AHRR: variants seen among roughly 807,000 people sequenced by gnomAD.
AHRR encodes aryl hydrocarbon receptor repressor, also known as ahR repressor.
AHRR carries 28 observed loss-of-function variants against 44.0 expected under a neutral mutation model. That is an observed-to-expected ratio of 0.64 (90% CI 0.47 to 0.87). The LOEUF is 0.87. Ranked by LOEUF, AHRR falls within the 40% of genes least tolerant of loss-of-function variation. The probability of loss-of-function intolerance (pLI) is 0.00; values close to 1 mark genes in which losing one functional copy is unlikely to be tolerated. For synonymous variants in AHRR, 434 were observed against 407.0 expected (o/e 1.07, Z -0.80); for missense variants, 990 against 953.9 (o/e 1.04, Z -0.50).
chr5:327,063 A>G (rs1410373012), intron 1 of AHRR, among the ~76,000 whole-genome samples: 2 of 152,234 alleles, frequency 1.3e-5, no homozygotes, highest in African/African-American at 4.8e-5. Flanking sequence ...TGTCTCAACA[A>G]CAACGGCAAC....
Position 434,690 on chromosome 5 carries a change from G to A in AHRR, c.1950G>A (p.Glu650=). ...GEQSCTCRAA[E]AAPVVKREPL... is the part of the protein sequence containing the mutation. ...AGTCCTGCACCTGCAGAGCTGCTGA[G>A]GCCGCCCCTGTGGTCAAGCGGGAGC... The change falls in exon 11 of 11, where the codon GAG becomes GAA. Residue 650 remains glutamate (E), a synonymous_variant. Transcript: ENST00000684583. The A allele has an allele frequency of 6.4e-7, 1 of 1,571,858 alleles. No individual in the cohort carries two copies. Among genetic ancestry groups the A allele is most frequent in the South Asian group, 1.2e-5 (1 of 85,748 alleles).
chr5:423,011 C>G (rs560310345), intron 6 of AHRR, among the ~76,000 whole-genome samples, 153 bp downstream of exon 6: 127 of 152,294 alleles, frequency 8.3e-4, no homozygotes, highest in African/African-American at 2.9e-3. Context: ...CAGAGGCCTC[C>G]TCCCATGTCC....
intron 4 of AHRR, among the ~76,000 whole-genome samples, chr5:390,639 C>T (rs1040154714): frequency 9.2e-5 from 14 of 152,068 alleles, no homozygotes; most frequent in Admixed American, 2.0e-4. Flanking sequence ...CCAGGAAGAT[C>T]GGAGGGCAGG....
intron 3 of AHRR, among the ~76,000 whole-genome samples, chr5:366,797 C>T (rs147369966): frequency 1.3e-3 from 196 of 152,284 alleles, no homozygotes; most frequent in African/African-American, 4.5e-3. Flanking sequence ...TGCATAACTT[C>T]GGTCTAATCA....
chr5:412,661 C>G (rs1271092977), intron 4 of AHRR, among the ~76,000 whole-genome samples: 1 of 150,398 alleles, frequency 6.6e-6, no homozygotes, highest in African/African-American at 2.4e-5. Context: ...AACTGTGATT[C>G]TTTCAGCAGA....
intron 8 of AHRR, among the ~76,000 whole-genome samples, chr5:429,566 G>A (rs368342940): frequency 3.3e-5 from 5 of 152,328 alleles, no homozygotes; most frequent in East Asian, 3.9e-4. Flanking sequence ...AGACCCACCC[G>A]ACTTGTCCTC....
chr5:382,676 G>C (rs1046737177), intron 4 of AHRR, among the ~76,000 whole-genome samples: 2 of 151,804 alleles, frequency 1.3e-5, no homozygotes, highest in East Asian at 3.9e-4. Flanking sequence ...GCTTGGTTTG[G>C]ATTTAATTTC....
At chr5:345,232 G>A (rs1474165800) in intron 2 of AHRR, among the ~76,000 whole-genome samples, 1 of 127,326 alleles carries the variant, frequency 7.9e-6, no homozygotes, top group Non-Finnish European at 1.6e-5. Context: ...TGATGTCCCT[G>A]GCTGTGTGTG....
At chr5:368,012 T>C (rs1403823722) in intron 3 of AHRR, 1 of 687,006 alleles carries the variant, frequency 1.5e-6, no homozygotes, top group African/African-American at 1.8e-5. Flanking sequence ...AAGGCAATGG[T>C]GATTCACAGG....
intron 1 of AHRR, among the ~76,000 whole-genome samples, chr5:333,549 T>C (rs1560878768): frequency 1.3e-5 from 2 of 152,040 alleles, no homozygotes; most frequent in African/African-American, 4.8e-5. Context: ...TGAACTGAGA[T>C]TGCACCACTG....
chr5:353,667 C>T (rs1742939024), intron 2 of AHRR, 63 bp from the exon 3 acceptor site: 6 of 1,510,288 alleles, frequency 4.0e-6, no homozygotes, highest in East Asian at 2.3e-5. Context: ...GGACGGTTTC[C>T]GCCCCAGGGG....
intron 6 of AHRR, among the ~76,000 whole-genome samples, chr5:423,333 A>C (rs10475251): frequency 0.073 from 11,128 of 152,242 alleles, 489 homozygotes; most frequent in Admixed American, 0.12. Context: ...TGTGGCGCTG[A>C]CTGATGAGAT....
At chr5:428,472 C>T (rs1241461015) in intron 8 of AHRR, among the ~76,000 whole-genome samples, 2 of 152,218 alleles carry the variant, frequency 1.3e-5, no homozygotes, top group African/African-American at 2.4e-5. Flanking sequence ...AGCTGGTCCT[C>T]GTCCCTGGCC....
Position 326,626 on chromosome 5 carries a change from G to C in AHRR, c.-11+4807G>C, listed in dbSNP as rs1741722422. 6.6e-6 allele frequency among the ~76,000 whole-genome samples: 1 copy of C among 152,148 alleles called. No individual in the cohort carries two copies. The highest frequency in any genetic ancestry group is 2.4e-5 in the African/African-American group (1 of 41,414). On this transcript the variant is annotated intron_variant, in intron 1 of 10. Transcript: ENST00000684583. This position sits in a 1 kb window ranked among gnomAD's most constrained non-coding sequence, Gnocchi z 4.1. ...AGGAGTGGAGTTACTGGATCATATA[G>C]TGATTCTGTGTTTAACTTTTTGAGG... is the stretch of plus-strand genomic sequence containing the variant.
intron 4 of AHRR, among the ~76,000 whole-genome samples, chr5:396,335 T>C (rs1193989453): frequency 2.0e-5 from 3 of 152,220 alleles, no homozygotes; most frequent in Middle Eastern, 6.8e-3. Context: ...TCCCTGACTT[T>C]AGAGGTGATG....
chr5:384,418 C>T (rs886541186), intron 4 of AHRR, among the ~76,000 whole-genome samples: 1 of 152,130 alleles, frequency 6.6e-6, no homozygotes, highest in Admixed American at 6.5e-5. Context: ...TACATTAAAC[C>T]CTCCAGACAA....
chr5:392,903 C>T (rs559642611), intron 4 of AHRR, among the ~76,000 whole-genome samples: 1 of 152,222 alleles, frequency 6.6e-6, no homozygotes, highest in East Asian at 1.9e-4. Flanking sequence ...GTTTCCTTCT[C>T]GGTGTAGGTG....
chr5:349,923 A>T (rs2126385547), intron 2 of AHRR, among the ~76,000 whole-genome samples: 1 of 152,284 alleles, frequency 6.6e-6, no homozygotes, highest in African/African-American at 2.4e-5. Flanking sequence ...TCCAATGAAG[A>T]CCCAAGGAAA....
chr5:322,164 C>G (rs986888593), intron 1 of AHRR, among the ~76,000 whole-genome samples: 2 of 152,118 alleles, frequency 1.3e-5, no homozygotes, highest in Non-Finnish European at 2.9e-5. Context: ...AGCGGGGCCC[C>G]GCTGTCGGGC....
Sources: allele counts gnomAD v4.1 joint callset (sites outside exome capture counted in the v4.1 genomes callset), GRCh38; gene constraint gnomAD v4.1.1; non-coding constraint Gnocchi (gnomAD v3.1); transcripts MANE v1.5; gene names NCBI Gene and HGNC (gene_info 2026-07-23, HGNC 2026-07-21).